CSMD2: variants seen among roughly 807,000 people sequenced by gnomAD.
The protein encoded by CSMD2 is CUB and sushi domain-containing protein 2.
A neutral mutation model predicts 398.5 loss-of-function variants in CSMD2; 130 were observed. The ratio of observed to expected loss-of-function variants is 0.33; its 90% CI spans 0.28 to 0.38. CSMD2 has a LOEUF of 0.38. CSMD2 is among the 10% of genes least tolerant of loss of function. The pLI is 1.00. For missense variants in CSMD2, 3,829 were observed against 4,764.9 expected, an observed-to-expected ratio of 0.80 and a Z score of 5.78; for synonymous variants, 1,828 against 1,908.5, an observed-to-expected ratio of 0.96 and a Z score of 1.10.
At chr1:34,050,897 G>A (rs1166322811) in intron 2 of CSMD2, among the ~76,000 whole-genome samples, 2 of 151,428 alleles carry the variant, frequency 1.3e-5, no homozygotes, top group African/African-American at 4.9e-5. Flanking sequence ...TGCTATGCAA[G>A]TCCAGAGGCT....
intron 1 of CSMD2, among the ~76,000 whole-genome samples, chr1:34,161,933 G>T (rs181060875): frequency 6.6e-6 from 1 of 152,104 alleles, no homozygotes; most frequent in Admixed American, 6.5e-5. Flanking sequence ...AGCACTTTGG[G>T]AGGGCAAGGT....
intron 14 of CSMD2, among the ~76,000 whole-genome samples, chr1:33,741,595 A>T (rs1291986821): frequency 1.3e-5 from 2 of 152,192 alleles, no homozygotes; most frequent in Non-Finnish European, 2.9e-5. Flanking sequence ...GGCAAGAATC[A>T]TTTCTGGCTG....
At chr1:33,522,167 G>GA (rs1351281773) in intron 67 of CSMD2, among the ~76,000 whole-genome samples, 1 of 152,204 alleles carries the variant, frequency 6.6e-6, no homozygotes, top group Non-Finnish European at 1.5e-5. Context: ...GGCATGCTGT[G>GA]AGGATGCCTG....
intron 9 of CSMD2, among the ~76,000 whole-genome samples, chr1:33,817,907 C>T (rs903810681): frequency 6.6e-6 from 1 of 152,174 alleles, no homozygotes; most frequent in African/African-American, 2.4e-5. Flanking sequence ...AAGCCCAGCC[C>T]AATGCTTAGT....
intron 13 of CSMD2, among the ~76,000 whole-genome samples, chr1:33,759,374 A>G (rs1217109296): frequency 2.3e-4 from 29 of 127,752 alleles, no homozygotes; most frequent in African/African-American, 8.4e-4. Flanking sequence ...CACCCAGGCT[A>G]GAGTGCAGTG....
intron 53 of CSMD2, among the ~76,000 whole-genome samples, chr1:33,563,764 T>C (rs1333297995): frequency 6.6e-6 from 1 of 152,014 alleles, no homozygotes; most frequent in Non-Finnish European, 1.5e-5. Flanking sequence ...AATATAAGTC[T>C]TCAGAAAGGA....
intron 6 of CSMD2, among the ~76,000 whole-genome samples, chr1:33,831,261 G>C (rs1659517699): frequency 6.6e-6 from 1 of 152,160 alleles, no homozygotes; most frequent in Non-Finnish European, 1.5e-5. Flanking sequence ...CAGCCAGAGA[G>C]AAAGGTTAGG....
rs569803354 is a variant in CSMD2 at position 34,108,341 on chromosome 1, A to G, written c.188-19148T>C. Among the ~76,000 whole-genome samples the G allele has an allele frequency of 2.7e-3, 409 of 152,294 alleles. 8 individuals carry two copies. The highest frequency in any genetic ancestry group is 7.2e-3 in the South Asian group (35 of 4,832). On this transcript the variant is annotated intron_variant, in intron 1 of 70. Transcript: ENST00000373381. ...TGGAATCAGAAAGCCTGGGTTCTTAACTCTGCCTTGCCACTTGCTAGCAAG... is the reference window on the plus strand; with the variant it reads ...TGGAATCAGAAAGCCTGGGTTCTTAGCTCTGCCTTGCCACTTGCTAGCAAG...
At chr1:33,732,103 CAT>C (rs571678508) in intron 15 of CSMD2, among the ~76,000 whole-genome samples, 92 of 152,218 alleles carry the variant, frequency 6.0e-4, no homozygotes, top group African/African-American at 2.1e-3. Flanking sequence ...GAAGCACACA[CAT>C]GTCTGTGTGC....
At chr1:33,864,877 C>A in intron 5 of CSMD2, 2 of 633,528 alleles carry the variant, frequency 3.2e-6, no homozygotes, top group Non-Finnish European at 2.3e-6. Flanking sequence ...AGAGGAGAGA[C>A]TGATCCTGAG....
intron 2 of CSMD2, among the ~76,000 whole-genome samples, chr1:34,073,764 C>T (rs1308223177): frequency 6.6e-6 from 1 of 152,202 alleles, no homozygotes; most frequent in Non-Finnish European, 1.5e-5. Flanking sequence ...TGGCCCACCC[C>T]TCTTTAGCCA....
At chr1:33,575,462 G>A (rs6661038) in intron 49 of CSMD2, among the ~76,000 whole-genome samples, 5,420 of 152,226 alleles carry the variant, frequency 0.036, 367 homozygotes, top group African/African-American at 0.12. Flanking sequence ...ACAGCCAGCT[G>A]GGTAGGGACT....
At position 33,559,178 on chromosome 1, in the gene CSMD2, C is replaced by G; in HGVS notation, c.8554+122G>C. 1 of 889,354 alleles carries G rather than the reference C, an allele frequency of 1.1e-6. No individual in the cohort carries two copies. Among genetic ancestry groups the G allele is most frequent in the Non-Finnish European group, 1.7e-6 (1 of 602,456 alleles). The allele number at this position is 889,354 out of a possible 1,614,324, so 55.1% of individuals were successfully genotyped here. Reference sequence around the variant, plus strand: ...TCCTCATTTATGACCCTTCTCTGCTCCATCTTCCCTATCTGGATCAGAATG... The same window carrying G: ...TCCTCATTTATGACCCTTCTCTGCTGCATCTTCCCTATCTGGATCAGAATG... On this transcript the variant is annotated intron_variant, in intron 54 of 70. Coordinates refer to ENST00000373381, the MANE Select transcript of CSMD2 (RefSeq NM_001281956.2). The surrounding 1 kb of genome is among the most constrained non-coding windows in gnomAD (Gnocchi z 4.0).
intron 1 of CSMD2, among the ~76,000 whole-genome samples, chr1:34,131,783 G>A (rs962243660): frequency 6.6e-6 from 1 of 152,158 alleles, no homozygotes; most frequent in African/African-American, 2.4e-5. Flanking sequence ...CAGTCAGGGG[G>A]TTCTTCTGCC....
At chr1:33,569,877 T>C (rs1262539440) in intron 51 of CSMD2, among the ~76,000 whole-genome samples, 6 of 152,210 alleles carry the variant, frequency 3.9e-5, no homozygotes, top group Non-Finnish European at 8.8e-5. Flanking sequence ...ATGGCGATTC[T>C]GTGGTATGCT....
chr1:33,824,371 C>A (rs907123586), intron 7 of CSMD2, among the ~76,000 whole-genome samples: 1 of 152,208 alleles, frequency 6.6e-6, no homozygotes, highest in Non-Finnish European at 1.5e-5. Context: ...GAAGAAGGCT[C>A]TTCTGGTGCC....
intron 16 of CSMD2, among the ~76,000 whole-genome samples, 194 bp downstream of exon 16, chr1:33,726,353 T>C (rs1646529702): frequency 6.6e-6 from 1 of 152,186 alleles, no homozygotes. Flanking sequence ...CATAGTCCCC[T>C]AAACAGCACA....
chr1:33,541,354 C>T, intron 58 of CSMD2, 45 bp from the exon 59 acceptor site: 1 of 1,467,896 alleles, frequency 6.8e-7, no homozygotes, highest in African/African-American at 1.4e-5. Flanking sequence ...GGCCAGGACC[C>T]CACTTCTCCT....
chr1:33,577,512 C>T (rs763376836), intron 48 of CSMD2, 28 bp from the exon 49 acceptor site: 1 of 1,577,508 alleles, frequency 6.3e-7, no homozygotes, highest in African/African-American at 1.3e-5. Context: ...GTTCAGGGAA[C>T]TGGCACCAGC....
Sources: gnomAD v4.1 joint callset for allele counts (sites outside exome capture counted in the v4.1 genomes callset) on GRCh38, gnomAD v4.1.1 for gene constraint, Gnocchi (gnomAD v3.1) non-coding constraint, MANE v1.5 for transcripts, NCBI Gene and HGNC (gene_info 2026-07-23, HGNC 2026-07-21) for gene names.